ADCY1: variants seen among roughly 807,000 people sequenced by gnomAD.
ADCY1 encodes adenylate cyclase 1.
Under a neutral mutation model 105.4 loss-of-function variants are expected in ADCY1, and 28 were observed. That is an observed-to-expected ratio of 0.27 (90% CI 0.20 to 0.36). The LOEUF (loss-of-function observed/expected upper bound fraction) is 0.36, where lower values mean the gene tolerates loss of function less well. Ranked by LOEUF, ADCY1 falls within the 10% of genes least tolerant of loss-of-function variation. The probability of loss-of-function intolerance (pLI) is 1.00; values close to 1 mark genes in which losing one functional copy is unlikely to be tolerated. For missense variants in ADCY1, 977 were observed against 1,434.2 expected, an observed-to-expected ratio of 0.68 and a Z score of 5.15; for synonymous variants, 655 against 623.8, an observed-to-expected ratio of 1.05 and a Z score of -0.75.
chr7:45,589,364 G>A (rs1273623839), intron 1 of ADCY1, among the ~76,000 whole-genome samples: 1 of 152,190 alleles, frequency 6.6e-6, no homozygotes, highest in Non-Finnish European at 1.5e-5. Flanking sequence ...TCCAGGAGTG[G>A]CCAGCGGGCT....
In ADCY1 at chr7:45,686,714, A is replaced by T; in HGVS notation, c.2454+41A>T. The T allele has an allele frequency of 6.4e-7, 1 of 1,569,688 alleles. No homozygotes were observed. Among genetic ancestry groups the T allele is most frequent in the Middle Eastern group, 1.7e-4 (1 of 5,888 alleles). Reference sequence around the variant, plus strand: ...TCTGCTTTCTGGGGGTGGGGGATTTAGAGGAGGAAGAAGTCTTCAGCAAGC... The same window carrying T: ...TCTGCTTTCTGGGGGTGGGGGATTTTGAGGAGGAAGAAGTCTTCAGCAAGC... On this transcript the variant is annotated intron_variant, in intron 14 of 19. Transcript: ENST00000297323. This position sits in a 1 kb window ranked among gnomAD's most constrained non-coding sequence, Gnocchi z 4.3.
intron 19 of ADCY1, among the ~76,000 whole-genome samples, chr7:45,712,262 T>C (rs1785274950): frequency 6.8e-6 from 1 of 147,166 alleles, no homozygotes; most frequent in Non-Finnish European, 1.5e-5. Flanking sequence ...TTTTTTTTTT[T>C]ACAGTGTACT....
chr7:45,635,873 T>C (rs1404988583), intron 4 of ADCY1, among the ~76,000 whole-genome samples: 1 of 152,102 alleles, frequency 6.6e-6, no homozygotes, highest in Non-Finnish European at 1.5e-5. Context: ...TGTTCATGTC[T>C]TCCATATCTT....
In ADCY1 at chr7:45,618,123, T is replaced by C. The variant is rs367754699; in HGVS notation, c.909-4509T>C. ...TTGACAAAGGTGCCAAGAACATACA[T>C]TGGGGAAAAGACAATCTCTTCAATA... On this transcript the variant is annotated intron_variant, in intron 3 of 19. Transcript: ENST00000297323. Among the ~76,000 whole-genome samples the C allele has an allele frequency of 9.2e-5, 14 of 152,234 alleles. No homozygotes were observed. In the East Asian group the frequency reaches 2.1e-3, roughly 23 times the overall value.
intron 12 of ADCY1, 34 bp from the exon 13 acceptor site, chr7:45,685,928 C>T (rs1348386684): frequency 6.3e-7 from 1 of 1,591,240 alleles, no homozygotes; most frequent in African/African-American, 1.3e-5. Flanking sequence ...TTCACCTGCC[C>T]TTTGCTAAGC....
chr7:45,577,821 G>T (rs1792394097), intron 1 of ADCY1, among the ~76,000 whole-genome samples: 1 of 152,174 alleles, frequency 6.6e-6, no homozygotes, highest in African/African-American at 2.4e-5. Context: ...TAACTCCATG[G>T]GGCAAAGGAG....
In ADCY1 at chr7:45,721,714, A is replaced by G. The variant is rs919303944; in HGVS notation, c.*7719A>G. ...TTCCCAGGGGTTAGAGGATGTTCAA[A>G]GGGCCGATTTCAGCAGGAGTTCAGA... On this transcript the variant is annotated 3_prime_UTR_variant, in exon 20 of 20. Transcript: ENST00000297323. 6 of 398,492 alleles carry G rather than the reference A, an allele frequency of 1.5e-5. No individual in the cohort carries two copies. The highest frequency in any genetic ancestry group is 1.2e-4 in the African/African-American group (6 of 48,598). The allele number at this position is 398,492 out of a possible 1,614,324, so 24.7% of individuals were successfully genotyped here. A position where few individuals can be genotyped will look rare whatever the true frequency, so the allele number is the denominator to read the frequency against.
intron 8 of ADCY1, among the ~76,000 whole-genome samples, chr7:45,669,537 G>A (rs1784325212): frequency 6.6e-6 from 1 of 152,068 alleles, no homozygotes; most frequent in Admixed American, 6.6e-5. Context: ...GCTGAGGAGT[G>A]CTTTACTTCC....
chr7:45,655,709 G>A (rs533139947), intron 5 of ADCY1, among the ~76,000 whole-genome samples: 39 of 152,292 alleles, frequency 2.6e-4, no homozygotes, highest in African/African-American at 8.9e-4. Context: ...GAGGCTGGTC[G>A]AGGTGCCACT....
rs749242663 is a variant in ADCY1, at chr7:45,710,689, C to T, written c.3057+37C>T. On this transcript the variant is annotated intron_variant, in intron 19 of 19. Coordinates refer to ENST00000297323, the MANE Select transcript of ADCY1 (RefSeq NM_021116.4). The surrounding 1 kb of genome is among the most constrained non-coding windows in gnomAD (Gnocchi z 4.7). ...AAGAAACCCCTAAGGCATGGGTGCCCATTCTTCAGGTGAGGAAACTGAGGC... is the reference window on the plus strand; with the variant it reads ...AAGAAACCCCTAAGGCATGGGTGCCTATTCTTCAGGTGAGGAAACTGAGGC... 2 of 1,587,892 alleles carry T rather than the reference C, an allele frequency of 1.3e-6. No homozygotes were observed. The highest frequency in any genetic ancestry group is 1.8e-5 in the Admixed American group (1 of 56,548).
Position 45,703,518 on chromosome 7 carries a change from A to G in ADCY1, c.2571+26A>G. Reference sequence around the variant, plus strand: ...GTGAGCACCCAGCCTGCTCCTGGCCAGCACTAGCCCTACACTGCTCTGGCC... The same window carrying G: ...GTGAGCACCCAGCCTGCTCCTGGCCGGCACTAGCCCTACACTGCTCTGGCC... On this transcript the variant is annotated intron_variant, in intron 15 of 19. Transcript: ENST00000297323. The surrounding 1 kb of genome is among the most constrained non-coding windows in gnomAD (Gnocchi z 5.9). 6.2e-7 allele frequency: 1 copy of G among 1,613,934 alleles called. No homozygotes were observed. The highest frequency in any genetic ancestry group is 8.5e-7 in the Non-Finnish European group (1 of 1,179,942).
intron 4 of ADCY1, among the ~76,000 whole-genome samples, chr7:45,646,134 A>G (rs1794658839): frequency 1.3e-5 from 2 of 152,042 alleles, no homozygotes; most frequent in Admixed American, 1.3e-4. Flanking sequence ...GCCTGAATGC[A>G]CAGAGCACAC....
chr7:45,698,222 G>T (rs1325850948), intron 14 of ADCY1, among the ~76,000 whole-genome samples: 1 of 151,888 alleles, frequency 6.6e-6, no homozygotes, highest in Non-Finnish European at 1.5e-5. Flanking sequence ...GGGCAGTGTG[G>T]AACATGTACA....
intron 3 of ADCY1, among the ~76,000 whole-genome samples, chr7:45,618,447 G>A (rs1358572671): frequency 6.6e-6 from 1 of 152,118 alleles, no homozygotes; most frequent in Admixed American, 6.5e-5. Flanking sequence ...ACAACAGAAG[G>A]ATAGGATAAA....
In ADCY1 at chr7:45,647,003, G is replaced by A. The variant is rs772126202; in HGVS notation, c.1021-1667G>A. Among the ~76,000 whole-genome samples the A allele has an allele frequency of 3.9e-5, 6 of 152,154 alleles. No homozygotes were observed. Among genetic ancestry groups the A allele is most frequent in the African/African-American group, 9.7e-5 (4 of 41,424 alleles). ...TGATCACCTCCTCCCCTTTTCTCCCGTCCATGGTCTTGGAGTGCTGAGGGA... is the reference window on the plus strand; with the variant it reads ...TGATCACCTCCTCCCCTTTTCTCCCATCCATGGTCTTGGAGTGCTGAGGGA... On this transcript the variant is annotated intron_variant, in intron 4 of 19. Coordinates refer to ENST00000297323, the MANE Select transcript of ADCY1 (RefSeq NM_021116.4). The surrounding 1 kb of genome is among the most constrained non-coding windows in gnomAD (Gnocchi z 4.6).
At chr7:45,669,589 A>G (rs1784326617) in intron 8 of ADCY1, among the ~76,000 whole-genome samples, 1 of 152,206 alleles carries the variant, frequency 6.6e-6, no homozygotes, top group Admixed American at 6.5e-5. Flanking sequence ...TGTGGTGCTG[A>G]GAAGAATGTA....
intron 3 of ADCY1, among the ~76,000 whole-genome samples, chr7:45,616,280 G>C (rs1793734928): frequency 6.6e-6 from 1 of 152,150 alleles, no homozygotes; most frequent in Non-Finnish European, 1.5e-5. Context: ...CCTTCTCCAA[G>C]TCTCCAAAAT....
Position 45,677,973 on chromosome 7 carries a change from C to A in ADCY1, c.1710C>A (p.Ser570Arg). 1 of 1,614,228 alleles carries A rather than the reference C, an allele frequency of 6.2e-7. No homozygotes were observed. The highest frequency in any genetic ancestry group is 8.5e-7 in the Non-Finnish European group (1 of 1,180,042). The part of the protein sequence containing the change: ...TPGTRVNRYI[S>R]RLLEARQTEL... Reference sequence around the variant, plus strand: ...GCACTCGCGTCAACAGGTACATCAGCCGCCTCTTAGAAGCCCGCCAGACAG... The same window carrying A: ...GCACTCGCGTCAACAGGTACATCAGACGCCTCTTAGAAGCCCGCCAGACAG... Residue 570 changes from serine to arginine, a missense_variant, in exon 9 of 20, where the codon AGC (serine) becomes AGA (arginine). Ser to Arg is a moderately radical substitution (Grantham distance 110). This residue lies in a region of ADCY1 where 275 missense variants were observed against 362.1 expected (regional missense o/e 0.76). Coordinates refer to ENST00000297323, the MANE Select transcript of ADCY1 (RefSeq NM_021116.4).
chr7:45,661,515 T>A (rs1267640614), intron 7 of ADCY1, among the ~76,000 whole-genome samples: 1 of 152,062 alleles, frequency 6.6e-6, no homozygotes, highest in Non-Finnish European at 1.5e-5. Flanking sequence ...CACTTTCCTA[T>A]CACCTCATTT....
Sources: gnomAD v4.1 joint callset for allele counts (sites outside exome capture counted in the v4.1 genomes callset) on GRCh38, gnomAD v4.1.1 for gene constraint, gnomAD v4.1.1 regional missense constraint, Gnocchi (gnomAD v3.1) non-coding constraint, MANE v1.5 for transcripts, NCBI Gene and HGNC (gene_info 2026-07-23, HGNC 2026-07-21) for gene names.